The following PTPRM variants were observed in gnomAD, a reference collection of about 807,000 sequenced individuals.
The protein encoded by PTPRM is protein tyrosine phosphatase receptor type M, also known as receptor-type tyrosine-protein phosphatase mu.
Under a neutral mutation model 186.7 loss-of-function variants are expected in PTPRM, and 47 were observed. That is an observed-to-expected ratio of 0.25 (90% CI 0.20 to 0.32). The LOEUF (loss-of-function observed/expected upper bound fraction) is 0.32. Ranked by LOEUF, PTPRM falls within the 10% of genes least tolerant of loss-of-function variation. The pLI is 1.00. For synonymous variants in PTPRM, 668 were observed against 674.9 expected, an observed-to-expected ratio of 0.99 and a Z score of 0.16; for missense variants, 1,494 against 1,865.0, an observed-to-expected ratio of 0.80 and a Z score of 3.66.
intron 19 of PTPRM, among the ~76,000 whole-genome samples, chr18:8,267,672 A>G (rs2094717967): frequency 6.6e-6 from 1 of 152,206 alleles, no homozygotes; most frequent in Non-Finnish European, 1.5e-5. Flanking sequence ...AGTTCGAAGT[A>G]TATAAAATGC....
intron 13 of PTPRM, among the ~76,000 whole-genome samples, chr18:8,121,317 C>G (rs1262247446): frequency 6.6e-6 from 1 of 152,216 alleles, no homozygotes; most frequent in East Asian, 1.9e-4. Context: ...TGCCACATTT[C>G]TAATAGTACC....
intron 1 of PTPRM, among the ~76,000 whole-genome samples, chr18:7,693,910 G>A (rs1241881583): frequency 6.6e-6 from 1 of 152,088 alleles, no homozygotes; most frequent in African/African-American, 2.4e-5. Context: ...GATAGGACTG[G>A]CGTTTTCAAA....
intron 7 of PTPRM, among the ~76,000 whole-genome samples, chr18:8,053,732 C>T (rs573502050): frequency 3.3e-5 from 5 of 152,092 alleles, no homozygotes; most frequent in Non-Finnish European, 5.9e-5. Context: ...TATAGATTAG[C>T]TTGGGGAGAA....
chr18:7,779,053 A>G (rs148282109), intron 2 of PTPRM, among the ~76,000 whole-genome samples: 164 of 152,328 alleles, frequency 1.1e-3, no homozygotes, highest in African/African-American at 3.8e-3. Context: ...CTATGTGCTT[A>G]AAAATGTAAC....
At chr18:7,816,107 G>A (rs778559635) in intron 2 of PTPRM, among the ~76,000 whole-genome samples, 1 of 152,174 alleles carries the variant, frequency 6.6e-6, no homozygotes, top group South Asian at 2.1e-4. Context: ...CAAAGCCAAA[G>A]AATTCTGTGA....
chr18:7,778,991 G>C (rs1456956615), intron 2 of PTPRM, among the ~76,000 whole-genome samples: 1 of 152,104 alleles, frequency 6.6e-6, no homozygotes, highest in East Asian at 1.9e-4. Flanking sequence ...GTGGTATTTT[G>C]TGTACTTGTA....
chr18:7,657,502 T>C (rs1226131650), intron 1 of PTPRM, among the ~76,000 whole-genome samples: 1 of 152,238 alleles, frequency 6.6e-6, no homozygotes, highest in Non-Finnish European at 1.5e-5. Context: ...TTCACCTCGC[T>C]CATCACTAGT....
chr18:7,927,204 C>T (rs1400709334), intron 5 of PTPRM, among the ~76,000 whole-genome samples: 2 of 151,972 alleles, frequency 1.3e-5, no homozygotes, highest in Non-Finnish European at 2.9e-5. Context: ...ATTCAAATTC[C>T]ACCATATGTG....
At chr18:8,288,473 C>A (rs2094983206) in intron 19 of PTPRM, among the ~76,000 whole-genome samples, 1 of 152,174 alleles carries the variant, frequency 6.6e-6, no homozygotes, top group Admixed American at 6.5e-5. Context: ...CTAACACCCA[C>A]CGTCTGCTTC....
chr18:8,383,296 CAAAAAAAAAAAAA>C (rs59442781), intron 29 of PTPRM, among the ~76,000 whole-genome samples: 83 of 30,438 alleles, frequency 2.7e-3, no homozygotes, highest in African/African-American at 3.5e-3. Flanking sequence ...GCTTCTGCCT[CAAAAAAAAAAAAA>C]AAAAAAAAAA....
At chr18:8,346,386 C>T (rs544155182) in intron 23 of PTPRM, among the ~76,000 whole-genome samples, 25 of 152,318 alleles carry the variant, frequency 1.6e-4, no homozygotes, top group Non-Finnish European at 3.5e-4. Flanking sequence ...ATGTGGCCAC[C>T]TTCTTGCGGC....
intron 1 of PTPRM, among the ~76,000 whole-genome samples, chr18:7,706,232 G>A (rs896084206): frequency 1.3e-5 from 2 of 151,750 alleles, no homozygotes; most frequent in Non-Finnish European, 2.9e-5. Flanking sequence ...CAAGAAAGAG[G>A]CAATAAAGAG....
In PTPRM at chr18:8,055,900, T is replaced by C. The variant is rs567062244; in HGVS notation, c.1133-13786T>C. ...TGCCCCTGGCCCATGGCTTAATCTTTGGATGCCGGTGCTGATATAGACAAC... is the reference window on the plus strand; with the variant it reads ...TGCCCCTGGCCCATGGCTTAATCTTCGGATGCCGGTGCTGATATAGACAAC... On this transcript the variant is annotated intron_variant, in intron 7 of 32. Transcript: ENST00000580170. Among the ~76,000 whole-genome samples, 391 of 152,324 alleles carry C rather than the reference T, an allele frequency of 2.6e-3. 3 individuals carry two copies. Among genetic ancestry groups the C allele is most frequent in the Non-Finnish European group, 4.0e-3 (270 of 68,028 alleles).
At chr18:8,225,990 A>G (rs767113033) in intron 14 of PTPRM, among the ~76,000 whole-genome samples, 7 of 152,162 alleles carry the variant, frequency 4.6e-5, no homozygotes, top group Non-Finnish European at 1.0e-4. Context: ...ACAGACAACT[A>G]CAGAGTAGGA....
chr18:7,720,462 A>C (rs561991132), intron 1 of PTPRM, among the ~76,000 whole-genome samples: 1 of 152,364 alleles, frequency 6.6e-6, no homozygotes, highest in East Asian at 1.9e-4. Context: ...ACTTAAAAAA[A>C]TTAATAGACT....
rs368968205 is a variant in PTPRM, at chr18:7,859,711, T to C, written c.197-28395T>C. Among the ~76,000 whole-genome samples the C allele has an allele frequency of 9.1e-4, 139 of 152,306 alleles. 2 individuals carry two copies. In the South Asian group the frequency reaches 0.027, roughly 30 times the overall value. On this transcript the variant is annotated intron_variant, in intron 2 of 32. Coordinates refer to ENST00000580170, the MANE Select transcript of PTPRM (RefSeq NM_001105244.2). ...GGGTTGAGGAGTCGGTACCCTGTGG[T>C]GCAAACATTGATGGTTGAAGACCAG...
At chr18:7,681,246 A>G (rs2039473722) in intron 1 of PTPRM, among the ~76,000 whole-genome samples, 1 of 152,176 alleles carries the variant, frequency 6.6e-6, no homozygotes, top group South Asian at 2.1e-4. Flanking sequence ...CATTTTATCA[A>G]CTGTTATGCA....
At chr18:7,783,711 A>G (rs754245554) in intron 2 of PTPRM, among the ~76,000 whole-genome samples, 1 of 151,628 alleles carries the variant, frequency 6.6e-6, no homozygotes, top group African/African-American at 2.4e-5. Flanking sequence ...ATCTGGGACT[A>G]TAGGTGCATG....
chr18:7,870,530 G>A (rs1223699214), intron 2 of PTPRM, among the ~76,000 whole-genome samples: 1 of 152,074 alleles, frequency 6.6e-6, no homozygotes, highest in Non-Finnish European at 1.5e-5. Context: ...CTGCTCAGAG[G>A]TTTTGTTTTG....
Sources: allele counts gnomAD v4.1 joint callset (sites outside exome capture counted in the v4.1 genomes callset), GRCh38; gene constraint gnomAD v4.1.1; transcripts MANE v1.5; gene names NCBI Gene and HGNC (gene_info 2026-07-23, HGNC 2026-07-21).